OR5D3: variants seen among roughly 807,000 people sequenced by gnomAD.
The protein encoded by OR5D3 is olfactory receptor 5D3.
At chr11:55,727,313 G>T in the OR5D3 span, 1 of 386,146 alleles carries the variant, frequency 2.6e-6, no homozygotes, top group South Asian at 1.4e-4. Context: ...AATACTGTAA[G>T]TATGGAATCT....
the OR5D3 span, chr11:55,728,312 A>G: frequency 6.6e-6 from 1 of 152,128 alleles, no homozygotes. Context: ...TATTTCTTGT[A>G]GAACTGCAAG....
chr11:55,724,262 C>T, the OR5D3 span, among the ~76,000 whole-genome samples: 18 of 151,972 alleles, frequency 1.2e-4, no homozygotes, highest in South Asian at 2.1e-3. Context: ...CGGCTCCCAC[C>T]ATGTACTCAG....
At chr11:55,725,950 T>G in the OR5D3 span, among the ~76,000 whole-genome samples, 1 of 152,082 alleles carries the variant, frequency 6.6e-6, no homozygotes, top group Non-Finnish European at 1.5e-5. Flanking sequence ...TCTTATTATC[T>G]GAAATATAGG....
At chr11:55,726,173 G>A in the OR5D3 span, 1 of 398,192 alleles carries the variant, frequency 2.5e-6, no homozygotes, top group Non-Finnish European at 4.4e-6. Flanking sequence ...GCACATATTG[G>A]CTTCTACTTC....
At chr11:55,727,784 C>T in the OR5D3 span, 1 of 151,906 alleles carries the variant, frequency 6.6e-6, no homozygotes, top group Admixed American at 6.6e-5. Context: ...TATGATTGTG[C>T]ATGTTATTTA....
the OR5D3 span, chr11:55,727,047 C>T: frequency 5.4e-4 from 218 of 404,150 alleles, no homozygotes; most frequent in Non-Finnish European, 8.8e-4. Context: ...CTGTCTTTTA[C>T]ACAGTGGTCA....
chr11:55,724,891 A>C, the OR5D3 span, among the ~76,000 whole-genome samples: 1 of 152,048 alleles, frequency 6.6e-6, no homozygotes, highest in Admixed American at 6.6e-5. Context: ...TCTTTCCTAC[A>C]GGCACAAGCT....
chr11:55,726,347 T>C, the OR5D3 span: 1 of 463,692 alleles, frequency 2.2e-6, no homozygotes, highest in Non-Finnish European at 3.9e-6. Context: ...AATCTGGGCA[T>C]GATCATGGTC....
the OR5D3 span, chr11:55,729,341 T>C: frequency 4.3e-4 from 66 of 151,996 alleles, no homozygotes; most frequent in African/African-American, 1.2e-3. Flanking sequence ...CTGCTCTTCT[T>C]TTAAACTTTT....
the OR5D3 span, chr11:55,726,135 C>T: frequency 1.3e-4 from 50 of 397,428 alleles, no homozygotes; most frequent in East Asian, 1.7e-3. Flanking sequence ...CTAAGTCTCT[C>T]AATATTTCTT....
the OR5D3 span, chr11:55,727,947 T>C: frequency 1.3e-5 from 2 of 152,106 alleles, no homozygotes; most frequent in Non-Finnish European, 2.9e-5. Flanking sequence ...ACATACATTA[T>C]TCAAGCATTA....
the OR5D3 span, among the ~76,000 whole-genome samples, chr11:55,725,362 G>T: frequency 6.6e-6 from 1 of 151,936 alleles, no homozygotes; most frequent in African/African-American, 2.4e-5. Context: ...CTTATTCTTG[G>T]CAAAGCTTTA....
the OR5D3 span, chr11:55,728,180 A>C: frequency 6.6e-6 from 1 of 152,024 alleles, no homozygotes; most frequent in South Asian, 2.1e-4. Context: ...AAGCAGAGCC[A>C]CAATAGAGTA....
chr11:55,725,999 T>A, the OR5D3 span, among the ~76,000 whole-genome samples: 1 of 152,054 alleles, frequency 6.6e-6, no homozygotes, highest in Middle Eastern at 3.2e-3. Flanking sequence ...CTTAATTTTG[T>A]TTTTTATTAT....
the OR5D3 span, among the ~76,000 whole-genome samples, chr11:55,726,033 C>A: frequency 6.6e-6 from 1 of 151,900 alleles, no homozygotes; most frequent in Non-Finnish European, 1.5e-5. Context: ...TAATCCTATT[C>A]ACCTTGTAAT....
chr11:55,728,157 T>C, the OR5D3 span: 1 of 152,002 alleles, frequency 6.6e-6, no homozygotes, highest in Non-Finnish European at 1.5e-5. Flanking sequence ...CTTTGGCTGA[T>C]AGTCTTTGTT....
chr11:55,728,222 G>T, the OR5D3 span: 1 of 150,010 alleles, frequency 6.7e-6, no homozygotes, highest in Non-Finnish European at 1.5e-5. Context: ...TAACGTTCCT[G>T]TTTGGGTCTC....
At chr11:55,725,184 G>T in the OR5D3 span, among the ~76,000 whole-genome samples, 1 of 151,878 alleles carries the variant, frequency 6.6e-6, no homozygotes, top group Non-Finnish European at 1.5e-5. Flanking sequence ...TTTATACTGT[G>T]TTTTATAACC....
At chr11:55,727,198 G>A in the OR5D3 span, 2 of 397,864 alleles carry the variant, frequency 5.0e-6, no homozygotes, top group East Asian at 3.6e-5. Flanking sequence ...GAGCAGCACT[G>A]CAGTTGTTCA....
Sources: gnomAD v4.1 joint callset for allele counts (sites outside exome capture counted in the v4.1 genomes callset) on GRCh38, gnomAD v4.1.1 for gene constraint, MANE v1.5 for transcripts, NCBI Gene and HGNC (gene_info 2026-07-23, HGNC 2026-07-21) for gene names.